Variants in RABGAP1L observed in about 807,000 individuals in gnomAD.
The protein encoded by RABGAP1L is RAB GTPase activating protein 1 like, also known as rab GTPase-activating protein 1-like.
RABGAP1L carries 63 observed loss-of-function variants against 137.7 expected under a neutral mutation model. The observed-to-expected ratio is 0.46, with a 90% CI of 0.37 to 0.56. RABGAP1L has a LOEUF of 0.56. RABGAP1L is among the 20% of genes least tolerant of loss of function. RABGAP1L has a pLI of 0.00. For synonymous variants in RABGAP1L, 431 were observed against 433.7 expected, an observed-to-expected ratio of 0.99 and a Z score of 0.08; for missense variants, 1,095 against 1,244.0, an observed-to-expected ratio of 0.88 and a Z score of 1.80.
intron 19 of RABGAP1L, among the ~76,000 whole-genome samples, chr1:174,858,305 A>G (rs1227321421): frequency 1.3e-5 from 2 of 152,194 alleles, no homozygotes; most frequent in Admixed American, 1.3e-4. Flanking sequence ...GGCATAAGCC[A>G]CACACTAGAC....
intron 19 of RABGAP1L, among the ~76,000 whole-genome samples, chr1:174,843,191 A>C (rs1693615278): frequency 6.7e-6 from 1 of 149,874 alleles, no homozygotes; most frequent in Admixed American, 6.7e-5. Flanking sequence ...CCTCACTATC[A>C]AGTCTCTTTC....
chr1:174,358,630 A>T (rs1683858263), intron 11 of RABGAP1L, among the ~76,000 whole-genome samples: 1 of 152,188 alleles, frequency 6.6e-6, no homozygotes, highest in African/African-American at 2.4e-5. Flanking sequence ...TACTTTGAGC[A>T]TCTCAGCCAC....
chr1:174,538,012 T>C (rs902000468), intron 13 of RABGAP1L, among the ~76,000 whole-genome samples: 1 of 152,174 alleles, frequency 6.6e-6, no homozygotes, highest in Non-Finnish European at 1.5e-5. Context: ...TTATTTTCTT[T>C]AGAAACAAAT....
In RABGAP1L at chr1:174,832,229, G is replaced by A. The variant is rs561163344; in HGVS notation, c.2340+20269G>A. ...AATCGCTTGAACCCGGGAGGTGGAG[G>A]TTGCAGTGAGCCGAGATCGTGCCAC... is the stretch of plus-strand genomic sequence containing the variant. On this transcript the variant is annotated intron_variant, in intron 19 of 25. Coordinates refer to ENST00000681986, the MANE Select transcript of RABGAP1L (RefSeq NM_001366446.1). Among the ~76,000 whole-genome samples the A allele has an allele frequency of 9.7e-4, 142 of 146,806 alleles. 12 individuals are homozygous for A. The highest frequency in any genetic ancestry group is 1.5e-3 in the Non-Finnish European group (101 of 66,204).
chr1:174,817,038 T>G (rs775147080), intron 19 of RABGAP1L, among the ~76,000 whole-genome samples: 6 of 152,280 alleles, frequency 3.9e-5, no homozygotes, highest in East Asian at 3.9e-4. Context: ...CAGTCCTTTT[T>G]TTTTGTTTTG....
intron 19 of RABGAP1L, among the ~76,000 whole-genome samples, chr1:174,838,789 C>T (rs1418247227): frequency 6.6e-6 from 1 of 151,090 alleles, no homozygotes; most frequent in East Asian, 1.9e-4. Context: ...TGCTGGCGGG[C>T]GCCTGTAGTC....
At chr1:174,954,486 A>G (rs560539989) in intron 19 of RABGAP1L, among the ~76,000 whole-genome samples, 4 of 152,348 alleles carry the variant, frequency 2.6e-5, no homozygotes, top group South Asian at 4.1e-4. Context: ...AAGGACATGT[A>G]AAAATATCCC....
chr1:174,679,726 A>G (rs1677906437), intron 14 of RABGAP1L, among the ~76,000 whole-genome samples: 2 of 152,246 alleles, frequency 1.3e-5, no homozygotes, highest in Non-Finnish European at 2.9e-5. Flanking sequence ...CATGACTGTT[A>G]GACTCTATAT....
At chr1:174,743,897 G>A (rs920012699) in intron 17 of RABGAP1L, among the ~76,000 whole-genome samples, 1 of 151,398 alleles carries the variant, frequency 6.6e-6, no homozygotes, top group African/African-American at 2.4e-5. Flanking sequence ...TGAAAAAACT[G>A]TATAACAAAT....
At chr1:174,497,843 A>C (rs1222857793) in intron 13 of RABGAP1L, among the ~76,000 whole-genome samples, 4 of 152,248 alleles carry the variant, frequency 2.6e-5, no homozygotes, top group African/African-American at 9.6e-5. Context: ...TAGCTACTTC[A>C]TCTGTTGTTG....
intron 11 of RABGAP1L, among the ~76,000 whole-genome samples, chr1:174,331,844 C>T (rs1033406749): frequency 5.0e-5 from 7 of 138,942 alleles, no homozygotes; most frequent in African/African-American, 1.1e-4. Flanking sequence ...ACCCCACAAC[C>T]GTCCCTGGTG....
At chr1:174,269,846 G>A (rs1674409211) in intron 7 of RABGAP1L, among the ~76,000 whole-genome samples, 1 of 152,018 alleles carries the variant, frequency 6.6e-6, no homozygotes, top group Admixed American at 6.5e-5. Context: ...AAAATAGGTG[G>A]GATAGCAATT....
chr1:174,278,613 A>T lies in RABGAP1L; in HGVS notation c.1157A>T (p.Asp386Val). Residue 386 changes from aspartate to valine, a missense_variant and splice_region_variant, in exon 10 of 26, where the codon GAT (aspartate) becomes GTT (valine). Asp to Val is a radical substitution (Grantham distance 152). This residue lies in a region of RABGAP1L where 112 missense variants were observed against 157.3 expected (regional missense o/e 0.71). Coordinates refer to ENST00000681986, the MANE Select transcript of RABGAP1L (RefSeq NM_001366446.1). The part of the protein sequence containing the change: ...FLALNEETPK[D>V]KQVYMTVAVD... ...AAAACCCAGAAAATTTCTACTACAGATAAGCAAGTATACATGACTGTGGCA... is the reference window on the plus strand; with the variant it reads ...AAAACCCAGAAAATTTCTACTACAGTTAAGCAAGTATACATGACTGTGGCA... 1.9e-6 allele frequency: 3 copies of T among 1,603,254 alleles called. No individual in the cohort carries two copies. The South Asian group carries it at 3.4e-5, about 18-fold the overall frequency.
chr1:174,364,315 C>T (rs1424166924), intron 11 of RABGAP1L, among the ~76,000 whole-genome samples: 35 of 114,924 alleles, frequency 3.0e-4, no homozygotes, highest in Admixed American at 4.8e-4. Context: ...AGTGCAGTGG[C>T]GGGATCTCGG....
chr1:174,258,809 G>A (rs543755186), intron 7 of RABGAP1L, among the ~76,000 whole-genome samples: 1 of 151,412 alleles, frequency 6.6e-6, no homozygotes, highest in East Asian at 2.0e-4. Context: ...ACAGGACCTC[G>A]CTGTGTTGCC....
At chr1:174,407,601 G>A (rs924749690) in intron 13 of RABGAP1L, among the ~76,000 whole-genome samples, 4 of 152,156 alleles carry the variant, frequency 2.6e-5, no homozygotes, top group Non-Finnish European at 5.9e-5. Context: ...ACAGCTTCAT[G>A]AATTTCCTCT....
At chr1:174,232,061 T>C (rs370924400) in intron 4 of RABGAP1L, among the ~76,000 whole-genome samples, 13 of 152,128 alleles carry the variant, frequency 8.5e-5, no homozygotes, top group African/African-American at 3.1e-4. Flanking sequence ...AAAATCTGCC[T>C]TCAGCTTCTG....
intron 13 of RABGAP1L, among the ~76,000 whole-genome samples, chr1:174,440,391 C>G (rs963120822): frequency 1.3e-5 from 2 of 152,018 alleles, no homozygotes; most frequent in Non-Finnish European, 2.9e-5. Flanking sequence ...CATTGGAAGC[C>G]ACTACAGGTG....
chr1:174,839,720 G>A (rs1693178981), intron 19 of RABGAP1L, among the ~76,000 whole-genome samples: 1 of 152,116 alleles, frequency 6.6e-6, no homozygotes, highest in Admixed American at 6.6e-5. Context: ...CACTCATCTT[G>A]GTGTGCCTCA....
Sources: allele counts gnomAD v4.1 joint callset (sites outside exome capture counted in the v4.1 genomes callset), GRCh38; gene constraint gnomAD v4.1.1; regional missense constraint gnomAD v4.1.1; transcripts MANE v1.5; gene names NCBI Gene and HGNC (gene_info 2026-07-23, HGNC 2026-07-21).